PAXIP1: variants seen among roughly 807,000 people sequenced by gnomAD.
PAXIP1 encodes PAX-interacting protein 1.
Under a neutral mutation model 140.6 loss-of-function variants are expected in PAXIP1, and 19 were observed. That is an observed-to-expected ratio of 0.14 (90% CI 0.09 to 0.20). The LOEUF (loss-of-function observed/expected upper bound fraction) is 0.20. Among genes scored for constraint, PAXIP1 ranks in the 10% least tolerant of loss-of-function variants. The pLI, the probability that PAXIP1 is intolerant of heterozygous loss-of-function variation, is 1.00. For missense variants in PAXIP1, 920 were observed against 1,208.6 expected (o/e 0.76, Z 3.54); for synonymous variants, 442 against 444.6 (o/e 0.99, Z 0.07).
chr7:154,997,309 C>T (rs958074534), intron 2 of PAXIP1, among the ~76,000 whole-genome samples: 5 of 152,146 alleles, frequency 3.3e-5, no homozygotes, highest in African/African-American at 1.2e-4. Flanking sequence ...TAGCTATTCA[C>T]AGGTGTGATC....
chr7:154,952,884 T>A (rs1054736414), intron 16 of PAXIP1, among the ~76,000 whole-genome samples: 7 of 151,828 alleles, frequency 4.6e-5, no homozygotes, highest in African/African-American at 1.7e-4. Context: ...GCCTTAGATA[T>A]ACAGAATCAT....
chr7:154,995,024 A>T (rs751158481), intron 2 of PAXIP1, among the ~76,000 whole-genome samples: 2 of 152,204 alleles, frequency 1.3e-5, no homozygotes, highest in Non-Finnish European at 2.9e-5. Flanking sequence ...GAACACCTTC[A>T]TGTAGACCAA....
At chr7:154,998,876 T>G in intron 1 of PAXIP1, 92 bp from the exon 2 acceptor site, 1 of 1,129,882 alleles carries the variant, frequency 8.9e-7, no homozygotes, top group Admixed American at 2.3e-5. Flanking sequence ...TAATAGTACT[T>G]TTTAATAAAA....
chr7:155,002,786 G>C (rs1158606683), intron 1 of PAXIP1, 63 bp downstream of exon 1: 7 of 951,390 alleles, frequency 7.4e-6, no homozygotes, highest in East Asian at 8.7e-5. Context: ...GGACGGGGAC[G>C]GGGACGGGGA....
At chr7:154,984,868 G>C (rs1383750920) in intron 4 of PAXIP1, among the ~76,000 whole-genome samples, 2 of 152,024 alleles carry the variant, frequency 1.3e-5, no homozygotes, top group Non-Finnish European at 2.9e-5. Context: ...TTATTTTACT[G>C]ACTGCAGTAA....
Position 154,960,596 on chromosome 7 carries a change from G to A in PAXIP1, c.2434+297C>T, listed in dbSNP as rs75686373. ...GGAGGGTGAGGTAGGGAAATCACCCGAGCCCAGGAGATCGAGCTGCAGTGA... is the reference window on the plus strand; with the variant it reads ...GGAGGGTGAGGTAGGGAAATCACCCAAGCCCAGGAGATCGAGCTGCAGTGA... On this transcript the variant is annotated intron_variant, in intron 12 of 20. Transcript: ENST00000404141. Among the ~76,000 whole-genome samples the A allele has an allele frequency of 9.1e-3, 1,388 of 152,264 alleles. 25 individuals are homozygous for A. Among genetic ancestry groups the A allele is most frequent in the African/African-American group, 0.031 (1,303 of 41,552 alleles).
chr7:154,948,386 A>G (rs1563359168), intron 16 of PAXIP1: 1 of 190,874 alleles, frequency 5.2e-6, no homozygotes, highest in African/African-American at 2.4e-5. Flanking sequence ...TCTCTACAGA[A>G]AAATTTTAAA....
intron 5 of PAXIP1, among the ~76,000 whole-genome samples, chr7:154,976,897 T>C (rs992957413): frequency 1.3e-5 from 2 of 152,222 alleles, no homozygotes; most frequent in Non-Finnish European, 2.9e-5. Context: ...GTCTCTGACC[T>C]AACAAGGCTC....
intron 17 of PAXIP1, chr7:154,947,413 A>G (rs1808035983): frequency 6.6e-6 from 1 of 152,470 alleles, no homozygotes; most frequent in African/African-American, 2.4e-5. Flanking sequence ...TCTTTGGTAC[A>G]AAAAAAATTC....
intron 5 of PAXIP1, 144 bp from the exon 6 acceptor site, chr7:154,976,475 G>A (rs1020000326): frequency 6.8e-6 from 8 of 1,183,622 alleles, no homozygotes; most frequent in East Asian, 4.7e-5. Context: ...CAGAAGCAAC[G>A]TTTGATCTTT....
intron 2 of PAXIP1, among the ~76,000 whole-genome samples, chr7:154,995,476 C>G (rs961176719): frequency 6.6e-6 from 1 of 152,096 alleles, no homozygotes; most frequent in African/African-American, 2.4e-5. Context: ...AGGATGTAGG[C>G]CACAGTACAA....
intron 12 of PAXIP1, among the ~76,000 whole-genome samples, 176 bp from the exon 13 acceptor site, chr7:154,960,109 G>A (rs953800430): frequency 1.3e-5 from 2 of 152,218 alleles, no homozygotes; most frequent in African/African-American, 4.8e-5. Flanking sequence ...CAGGCAAGGT[G>A]AGGGCATGCT....
chr7:154,995,802 T>C (rs1810572697), intron 2 of PAXIP1, among the ~76,000 whole-genome samples: 1 of 151,932 alleles, frequency 6.6e-6, no homozygotes, highest in East Asian at 1.9e-4. Context: ...TGAGTCGAGA[T>C]CACACCATTG....
chr7:154,977,444 C>A (rs759440104), intron 5 of PAXIP1, among the ~76,000 whole-genome samples: 26 of 152,116 alleles, frequency 1.7e-4, no homozygotes, highest in Non-Finnish European at 2.6e-4. Context: ...AATAGGGATG[C>A]GGGGCAGCAG....
rs1472262249 is a variant in PAXIP1 at position 154,963,709 on chromosome 7, G to C, written c.1951C>G (p.Leu651Val). 1.2e-6 allele frequency: 2 copies of C among 1,613,666 alleles called. No individual in the cohort carries two copies. The highest frequency in any genetic ancestry group is 1.7e-6 in the Non-Finnish European group (2 of 1,179,776). ...DPTFTSRCTHLLCESQVSSAY... is the reference protein window; with the variant it reads ...DPTFTSRCTHVLCESQVSSAY... Reference sequence around the variant, plus strand: ...CTGCTGACTTGACTCTCACAGAGAAGGTGCGTGCATCGACTCGTGAAGGTG... The same window carrying C: ...CTGCTGACTTGACTCTCACAGAGAACGTGCGTGCATCGACTCGTGAAGGTG... Residue 651 changes from leucine to valine, a missense_variant, in exon 9 of 21, where the codon CTT becomes GTT. Coordinates refer to ENST00000404141, the MANE Select transcript of PAXIP1 (RefSeq NM_007349.4). This position sits in a 1 kb window ranked among gnomAD's most constrained non-coding sequence, Gnocchi z 4.1.
Position 154,960,904 on chromosome 7 carries a change from A to G in PAXIP1, c.2423T>C (p.Leu808Ser). The G allele has an allele frequency of 6.3e-7, 1 of 1,576,520 alleles. No homozygotes were observed. Residue 808 changes from leucine to serine, a missense_variant, in exon 12 of 21, where the codon TTA becomes TCA. Leu to Ser is a moderately radical substitution (Grantham distance 145). This residue lies in a region of PAXIP1 where 303 missense variants were observed against 517.9 expected (regional missense o/e 0.59). Coordinates refer to ENST00000404141, the MANE Select transcript of PAXIP1 (RefSeq NM_007349.4). The part of the protein sequence containing the change: ...DPFAPTQHLV[L>S]NLLDAWRVPL... ...AGAATTTCACTTACCTAAAAGATTT[A>G]AAACTAAATGCTGGGTAGGGGCAAA... is the stretch of plus-strand genomic sequence containing the variant.
In PAXIP1 at chr7:154,983,246, C is replaced by G; in HGVS notation, c.411G>C (p.Thr137=). The G allele has an allele frequency of 6.2e-7, 1 of 1,609,416 alleles. No individual in the cohort carries two copies. The highest frequency in any genetic ancestry group is 1.7e-4 in the Middle Eastern group (1 of 6,052). The part of the protein sequence containing the change: ...DCQLTLNKKC[T]HLIVPEPKGE... Reference sequence around the variant, plus strand: ...CCTTTGGCTCTGGAACAATCAAATGCGTGCATTTCTTATTGAGGGTTAGCT... The same window carrying G: ...CCTTTGGCTCTGGAACAATCAAATGGGTGCATTTCTTATTGAGGGTTAGCT... Residue 137 remains threonine, a synonymous_variant, in exon 5 of 21, where the codon ACG becomes ACC. Transcript: ENST00000404141.
intron 2 of PAXIP1, among the ~76,000 whole-genome samples, chr7:154,996,818 G>A (rs1810645342): frequency 6.6e-6 from 1 of 152,160 alleles, no homozygotes; most frequent in Non-Finnish European, 1.5e-5. Flanking sequence ...AATAAGGGGA[G>A]TGCTACAAAG....
chr7:154,991,663 A>G (rs1810336513), intron 3 of PAXIP1, among the ~76,000 whole-genome samples: 1 of 152,226 alleles, frequency 6.6e-6, no homozygotes, highest in Non-Finnish European at 1.5e-5. Flanking sequence ...CTGATCTTAA[A>G]AATTCATTCA....
Sources: allele counts gnomAD v4.1 joint callset (sites outside exome capture counted in the v4.1 genomes callset), GRCh38; gene constraint gnomAD v4.1.1; regional missense constraint gnomAD v4.1.1; non-coding constraint Gnocchi (gnomAD v3.1); transcripts MANE v1.5; gene names NCBI Gene and HGNC (gene_info 2026-07-23, HGNC 2026-07-21).